Variants in SLC25A42 observed in about 807,000 individuals in gnomAD.
The protein encoded by SLC25A42 is solute carrier family 25 member 42.
In SLC25A42, 19 loss-of-function variants were observed where a neutral mutation model predicts 34.7. That is an observed-to-expected ratio of 0.55 (90% confidence interval 0.38 to 0.80). The LOEUF is 0.80. SLC25A42 is among the 30% of genes least tolerant of loss of function. The probability of loss-of-function intolerance (pLI) is 0.00; values close to 1 mark genes in which losing one functional copy is unlikely to be tolerated. For missense variants in SLC25A42, 364 were observed against 441.3 expected, an observed-to-expected ratio of 0.82 and a Z score of 1.57; for synonymous variants, 205 against 191.2, an observed-to-expected ratio of 1.07 and a Z score of -0.59.
Position 19,101,902 on chromosome 19 carries a change from C to T in SLC25A42, c.187+16C>T. 1.3e-6 allele frequency: 2 copies of T among 1,599,284 alleles called. No homozygotes were observed. Among genetic ancestry groups the T allele is most frequent in the Non-Finnish European group, 8.6e-7 (1 of 1,169,280 alleles). ...ATCTTCCAAGGTAAGTGTTGGCCAT[C>T]CCCAGGTGCTAGAGAAGCTGCCAGG... On this transcript the variant is annotated intron_variant, in intron 3 of 7. Transcript: ENST00000318596.
intron 1 of SLC25A42, among the ~76,000 whole-genome samples, chr19:19,066,988 C>T (rs910304651): frequency 1.4e-5 from 2 of 146,836 alleles, no homozygotes; most frequent in South Asian, 4.3e-4. Context: ...CTGCACTCCT[C>T]TCCAGCCTGG....
intron 2 of SLC25A42, among the ~76,000 whole-genome samples, chr19:19,099,948 G>A (rs899304639): frequency 2.6e-5 from 4 of 151,594 alleles, no homozygotes; most frequent in African/African-American, 7.3e-5. Context: ...CGCTGGTCTC[G>A]AACTCCTGAC....
At chr19:19,096,800 G>C (rs2059767928) in intron 2 of SLC25A42, among the ~76,000 whole-genome samples, 1 of 152,080 alleles carries the variant, frequency 6.6e-6, no homozygotes, top group Admixed American at 6.6e-5. Context: ...AGCCAGGCGT[G>C]GTGGTGCACA....
intron 5 of SLC25A42, 90 bp from the exon 6 acceptor site, chr19:19,106,179 C>A: frequency 8.8e-7 from 1 of 1,139,924 alleles, no homozygotes; most frequent in Non-Finnish European, 1.3e-6. Flanking sequence ...GTCCCCGCCC[C>A]AGCAGAGACG....
At chr19:19,069,692 T>TA (rs2059619377) in intron 1 of SLC25A42, among the ~76,000 whole-genome samples, 1 of 152,236 alleles carries the variant, frequency 6.6e-6, no homozygotes, top group Non-Finnish European at 1.5e-5. Context: ...TCTCACTATG[T>TA]TGTTCACGCT....
In SLC25A42 at chr19:19,109,860, G is replaced by A. The variant is rs1236060695; in HGVS notation, c.650-709G>A. On this transcript the variant is annotated intron_variant, in intron 7 of 7. Transcript: ENST00000318596. The surrounding 1 kb of genome is among the most constrained non-coding windows in gnomAD (Gnocchi z 4.1). Reference sequence around the variant, plus strand: ...GTTTAGACCCGCAAGACAGAGCAGGGTGAAGTTCATGGTCACTTATGTCCA... The same window carrying A: ...GTTTAGACCCGCAAGACAGAGCAGGATGAAGTTCATGGTCACTTATGTCCA... 2.0e-5 allele frequency among the ~76,000 whole-genome samples: 3 copies of A among 152,158 alleles called. No homozygotes were observed. Among genetic ancestry groups the A allele is most frequent in the Non-Finnish European group, 4.4e-5 (3 of 68,034 alleles).
At chr19:19,086,730 T>G (rs1007003597) in intron 1 of SLC25A42, among the ~76,000 whole-genome samples, 2 of 152,034 alleles carry the variant, frequency 1.3e-5, no homozygotes, top group South Asian at 4.2e-4. Context: ...AACCTCAACT[T>G]CTTGGTTTCA....
At position 19,101,829 on chromosome 19, in the gene SLC25A42, G is replaced by GGT; in HGVS notation, c.132_133dup (p.Ala45ValfsTer8). 1 of 1,613,796 alleles carries GGT rather than the reference G, an allele frequency of 6.2e-7. No homozygotes were observed. Among genetic ancestry groups the GGT allele is most frequent in the Non-Finnish European group, 8.5e-7 (1 of 1,179,850 alleles). On this transcript the variant is annotated frameshift_variant, in exon 3 of 8. Transcript: ENST00000318596. LOFTEE classifies it high-confidence loss of function. ...CTCCCTGCTGTCTGGGGCCCTGGCT[G>GGT]GTGCCCTTGCCAAAACAGCGGTAGC... is the stretch of plus-strand genomic sequence containing the variant.
intron 1 of SLC25A42, among the ~76,000 whole-genome samples, chr19:19,095,353 C>A (rs2059759026): frequency 6.6e-6 from 1 of 151,788 alleles, no homozygotes; most frequent in South Asian, 2.1e-4. Flanking sequence ...GTGGCTCATG[C>A]CTGTAATCCC....
At chr19:19,069,189 A>G (rs938675884) in intron 1 of SLC25A42, among the ~76,000 whole-genome samples, 1 of 152,204 alleles carries the variant, frequency 6.6e-6, no homozygotes, top group African/African-American at 2.4e-5. Context: ...TGTTTTCTTC[A>G]CTGAGCACCT....
intron 2 of SLC25A42, among the ~76,000 whole-genome samples, chr19:19,099,318 G>A (rs895268354): frequency 6.6e-6 from 1 of 152,130 alleles, no homozygotes; most frequent in Non-Finnish European, 1.5e-5. Flanking sequence ...GGAAGGGAGG[G>A]CTGGGCTGGT....
intron 1 of SLC25A42, among the ~76,000 whole-genome samples, chr19:19,093,751 C>G (rs1260644135): frequency 1.3e-5 from 2 of 152,144 alleles, no homozygotes; most frequent in African/African-American, 4.8e-5. Flanking sequence ...GATCTCGGCT[C>G]ACTGCACCCT....
At chr19:19,075,939 G>A (rs929062234) in intron 1 of SLC25A42, among the ~76,000 whole-genome samples, 3 of 152,158 alleles carry the variant, frequency 2.0e-5, no homozygotes, top group Admixed American at 2.0e-4. Context: ...GGTCTTTGGG[G>A]GCAGCACCCT....
intron 1 of SLC25A42, among the ~76,000 whole-genome samples, chr19:19,093,305 C>T (rs776360969): frequency 6.6e-6 from 1 of 152,168 alleles, no homozygotes; most frequent in African/African-American, 2.4e-5. Context: ...TGCGTGCCAC[C>T]ACGCCCAGCT....
At chr19:19,104,480 G>A (rs1026216457) in intron 3 of SLC25A42, among the ~76,000 whole-genome samples, 2 of 152,230 alleles carry the variant, frequency 1.3e-5, no homozygotes, top group African/African-American at 2.4e-5. Flanking sequence ...AGCCAGAAAG[G>A]GAACCTGGCA....
chr19:19,074,530 A>G (rs2059646222), intron 1 of SLC25A42, among the ~76,000 whole-genome samples: 1 of 152,098 alleles, frequency 6.6e-6, no homozygotes, highest in Admixed American at 6.6e-5. Flanking sequence ...ATTTGTACAA[A>G]CATTTCCTGA....
intron 1 of SLC25A42, among the ~76,000 whole-genome samples, chr19:19,084,055 A>C (rs1173196138): frequency 7.0e-4 from 37 of 52,994 alleles, no homozygotes; most frequent in Middle Eastern, 0.016. Context: ...CACACACCTG[A>C]CTGCACCCCA....
chr19:19,108,567 G>T (rs2059846696), intron 7 of SLC25A42, among the ~76,000 whole-genome samples: 1 of 147,952 alleles, frequency 6.8e-6, no homozygotes, highest in Admixed American at 6.7e-5. Flanking sequence ...AAAAAAAAGT[G>T]ACTCTGGGAA....
intron 1 of SLC25A42, among the ~76,000 whole-genome samples, chr19:19,093,696 G>A (rs901025291): frequency 3.3e-5 from 5 of 152,088 alleles, no homozygotes; most frequent in African/African-American, 7.2e-5. Flanking sequence ...CCTTTCTTTC[G>A]AGACAGAGTC....
Sources: allele counts gnomAD v4.1 joint callset (sites outside exome capture counted in the v4.1 genomes callset), GRCh38; gene constraint gnomAD v4.1.1; non-coding constraint Gnocchi (gnomAD v3.1); transcripts MANE v1.5; gene names NCBI Gene and HGNC (gene_info 2026-07-23, HGNC 2026-07-21).